CERS6: variants seen among roughly 807,000 people sequenced by gnomAD.
The protein encoded by CERS6 is ceramide synthase 6.
Under a neutral mutation model 56.8 loss-of-function variants are expected in CERS6, and 26 were observed. The observed-to-expected ratio is 0.46, with a 90% CI of 0.34 to 0.63. CERS6 has a LOEUF of 0.63. CERS6 is among the 30% of genes least tolerant of loss of function. The pLI is 0.01. For missense variants in CERS6, 415 were observed against 467.5 expected, an observed-to-expected ratio of 0.89 and a Z score of 1.04; for synonymous variants, 164 against 173.3, an observed-to-expected ratio of 0.95 and a Z score of 0.42.
intron 1 of CERS6, among the ~76,000 whole-genome samples, chr2:168,490,806 A>G (rs1323485543): frequency 6.6e-6 from 1 of 152,136 alleles, no homozygotes; most frequent in African/African-American, 2.4e-5. Context: ...TTTACAAAGT[A>G]CGTCTATACC....
At chr2:168,635,099 A>C (rs1684833246) in intron 4 of CERS6, among the ~76,000 whole-genome samples, 1 of 152,172 alleles carries the variant, frequency 6.6e-6, no homozygotes, top group Non-Finnish European at 1.5e-5. Flanking sequence ...TGGACTTGTA[A>C]CAGACATTTC....
chr2:168,723,752 A>G (rs1278348835), intron 8 of CERS6, among the ~76,000 whole-genome samples: 1 of 152,210 alleles, frequency 6.6e-6, no homozygotes, highest in Non-Finnish European at 1.5e-5. Context: ...ATCTTCTCAC[A>G]TTTTACTAAC....
Position 168,694,949 on chromosome 2 carries a change from TCAC to T in CERS6, c.517-8_517-6del. The stretch of plus-strand genomic sequence containing the variant: ...CTACTAATCATTCCTTTTTTTTCTT[TCAC>T]CTTCAGCCACTCACAACTGACCTTC... On this transcript the variant is annotated splice_region_variant and splice_polypyrimidine_tract_variant and intron_variant, in intron 5 of 9. Transcript: ENST00000305747. 1 of 1,608,850 alleles carries T rather than the reference TCAC, an allele frequency of 6.2e-7. No individual in the cohort carries two copies. The highest frequency in any genetic ancestry group is 1.3e-5 in the African/African-American group (1 of 74,678).
intron 1 of CERS6, among the ~76,000 whole-genome samples, chr2:168,542,920 C>T (rs1334438853): frequency 1.3e-5 from 2 of 152,190 alleles, no homozygotes; most frequent in Non-Finnish European, 2.9e-5. Context: ...TGGTCTTGAA[C>T]TCCTGGCCTC....
chr2:168,723,822 G>A (rs1021896173), intron 8 of CERS6, among the ~76,000 whole-genome samples: 1 of 152,192 alleles, frequency 6.6e-6, no homozygotes, highest in Non-Finnish European at 1.5e-5. Flanking sequence ...AAGATAATGT[G>A]TCTGTATTTC....
intron 1 of CERS6, among the ~76,000 whole-genome samples, chr2:168,511,824 A>G (rs1694792052): frequency 6.6e-6 from 1 of 152,164 alleles, no homozygotes; most frequent in Non-Finnish European, 1.5e-5. Flanking sequence ...TAGTAGTGTA[A>G]CCACCACCAT....
At chr2:168,491,943 A>G (rs1694381464) in intron 1 of CERS6, among the ~76,000 whole-genome samples, 1 of 152,220 alleles carries the variant, frequency 6.6e-6, no homozygotes, top group Non-Finnish European at 1.5e-5. Context: ...TACAAAGGAC[A>G]TGAACTTATC....
intron 1 of CERS6, among the ~76,000 whole-genome samples, chr2:168,500,138 G>A (rs916075646): frequency 6.6e-6 from 1 of 152,058 alleles, no homozygotes; most frequent in Non-Finnish European, 1.5e-5. Context: ...AAAATGGGTC[G>A]CTTCTCTCAC....
At chr2:168,686,615 G>A (rs1686360708) in intron 4 of CERS6, among the ~76,000 whole-genome samples, 1 of 152,068 alleles carries the variant, frequency 6.6e-6, no homozygotes, top group Non-Finnish European at 1.5e-5. Context: ...AGTGTTTCTA[G>A]GTAATAGCTC....
At chr2:168,726,622 G>A (rs1312062982) in intron 8 of CERS6, among the ~76,000 whole-genome samples, 3 of 152,136 alleles carry the variant, frequency 2.0e-5, no homozygotes, top group Non-Finnish European at 2.9e-5. Context: ...TGATTTCTCT[G>A]CACCTATGTC....
At chr2:168,620,060 CACATAT>C (rs745866744) in intron 3 of CERS6, among the ~76,000 whole-genome samples, 4 of 75,264 alleles carry the variant, frequency 5.3e-5, no homozygotes, top group South Asian at 1.1e-3. Flanking sequence ...CACACACACA[CACATAT>C]TTATATATAT....
intron 3 of CERS6, among the ~76,000 whole-genome samples, chr2:168,614,463 G>A (rs2105276907): frequency 6.6e-6 from 1 of 152,322 alleles, no homozygotes; most frequent in African/African-American, 2.4e-5. Flanking sequence ...TGGGAGGCTG[G>A]TAGCCTGGGG....
chr2:168,500,601 G>T (rs1694562158), intron 1 of CERS6, among the ~76,000 whole-genome samples: 2 of 152,206 alleles, frequency 1.3e-5, no homozygotes, highest in Non-Finnish European at 2.9e-5. Context: ...TTACAAGGAG[G>T]TGGGAGAAGG....
intron 4 of CERS6, 67 bp downstream of exon 4, chr2:168,631,109 T>G: frequency 1.5e-6 from 1 of 668,030 alleles, no homozygotes; most frequent in South Asian, 2.4e-5. Flanking sequence ...GGTTTTTTTT[T>G]TTAATGTGTG....
chr2:168,682,804 C>T (rs574948458), intron 4 of CERS6, among the ~76,000 whole-genome samples: 1 of 152,186 alleles, frequency 6.6e-6, no homozygotes, highest in Non-Finnish European at 1.5e-5. Context: ...CAGTAACCAG[C>T]TCATTCCTGA....
At chr2:168,607,172 CACTT>C (rs1684072390) in intron 3 of CERS6, among the ~76,000 whole-genome samples, 1 of 151,960 alleles carries the variant, frequency 6.6e-6, no homozygotes, top group Admixed American at 6.5e-5. Context: ...GTTATATAAA[CACTT>C]ACATAATATC....
chr2:168,639,049 AAAG>A (rs1388857796), intron 4 of CERS6, among the ~76,000 whole-genome samples: 1 of 152,218 alleles, frequency 6.6e-6, no homozygotes, highest in East Asian at 1.9e-4. Context: ...AATAAAAAAA[AAAG>A]AACGCATGTC....
intron 7 of CERS6, among the ~76,000 whole-genome samples, chr2:168,716,179 G>T (rs1687222268): frequency 6.6e-6 from 1 of 152,108 alleles, no homozygotes; most frequent in Non-Finnish European, 1.5e-5. Context: ...AATGGGCTAG[G>T]TAAGTCCAAC....
At chr2:168,547,477 C>A in intron 1 of CERS6, 119 bp from the exon 2 acceptor site, 6 of 673,952 alleles carry the variant, frequency 8.9e-6, no homozygotes, top group South Asian at 1.8e-5. Flanking sequence ...CAATGTACAC[C>A]CATGAAATCC....
Sources: gnomAD v4.1 joint callset for allele counts (sites outside exome capture counted in the v4.1 genomes callset) on GRCh38, gnomAD v4.1.1 for gene constraint, MANE v1.5 for transcripts, NCBI Gene and HGNC (gene_info 2026-07-23, HGNC 2026-07-21) for gene names.